PRR5L: variants seen among roughly 807,000 people sequenced by gnomAD.
The protein encoded by PRR5L is proline rich 5 like.
PRR5L carries 21 observed loss-of-function variants against 36.4 expected under a neutral mutation model. The observed-to-expected ratio is 0.58, with a 90% CI of 0.41 to 0.83. The LOEUF is 0.83. PRR5L is among the 40% of genes least tolerant of loss of function. PRR5L has a pLI of 0.00. For synonymous variants in PRR5L, 188 were observed against 197.0 expected (o/e 0.95, Z 0.38); for missense variants, 381 against 473.3 (o/e 0.80, Z 1.81).
intron 1 of PRR5L, among the ~76,000 whole-genome samples, chr11:36,343,095 C>T (rs1856832330): frequency 6.6e-6 from 1 of 152,182 alleles, no homozygotes; most frequent in Admixed American, 6.5e-5. Flanking sequence ...CTGACGATCT[C>T]AAAGGCAGCT....
In PRR5L at chr11:36,351,539, A is replaced by T. The variant is rs1361955938; in HGVS notation, c.-125-49458A>T. Among the ~76,000 whole-genome samples the T allele has an allele frequency of 4.4e-3, 37 of 8,378 alleles. 4 individuals are homozygous for T. Among genetic ancestry groups the T allele is most frequent in the South Asian group, 7.1e-3 (2 of 280 alleles). The allele number at this position is 8,378 out of a possible 152,430, so 5.5% of individuals were successfully genotyped here. A position where few individuals can be genotyped will look rare whatever the true frequency, so the allele number is the denominator to read the frequency against. On this transcript the variant is annotated intron_variant, in intron 1 of 8. Transcript: ENST00000530639. ...TATATATTTATATATTTATATAAAT[A>T]TATATTTATATATATTTATATATTT...
At chr11:36,431,685 C>T (rs1266846195) in intron 4 of PRR5L, among the ~76,000 whole-genome samples, 168 bp from the exon 5 acceptor site, 2 of 152,104 alleles carry the variant, frequency 1.3e-5, no homozygotes, top group African/African-American at 2.4e-5. Context: ...CTGTCTTCTC[C>T]GGAAGCCTTA....
chr11:36,321,985 G>C (rs559755435), intron 1 of PRR5L, among the ~76,000 whole-genome samples: 13 of 152,198 alleles, frequency 8.5e-5, no homozygotes, highest in Non-Finnish European at 1.9e-4. Context: ...CTTTTTCAAA[G>C]CCTCTGTCTC....
chr11:36,318,940 T>G (rs180856014), intron 1 of PRR5L, among the ~76,000 whole-genome samples: 1 of 152,282 alleles, frequency 6.6e-6, no homozygotes, highest in Non-Finnish European at 1.5e-5. Context: ...TTCCTTGACT[T>G]TTCTCGATTT....
intron 1 of PRR5L, among the ~76,000 whole-genome samples, chr11:36,353,786 T>C (rs376913996): frequency 1.8e-4 from 27 of 152,312 alleles, no homozygotes; most frequent in African/African-American, 5.5e-4. Flanking sequence ...TAATGCTTGC[T>C]TGCCCACCAC....
chr11:36,338,375 C>G (rs1856788006), intron 1 of PRR5L, among the ~76,000 whole-genome samples: 1 of 152,176 alleles, frequency 6.6e-6, no homozygotes, highest in Admixed American at 6.5e-5. Flanking sequence ...GACATCCAAG[C>G]TGTAATTTTG....
chr11:36,388,053 C>G (rs1464542441), intron 1 of PRR5L: 1 of 152,242 alleles, frequency 6.6e-6, no homozygotes, highest in Non-Finnish European at 1.5e-5. Flanking sequence ...GTAAAGCAAG[C>G]TTACTGTCCA....
At chr11:36,329,782 T>C (rs1856700550) in intron 1 of PRR5L, among the ~76,000 whole-genome samples, 1 of 152,210 alleles carries the variant, frequency 6.6e-6, no homozygotes, top group Non-Finnish European at 1.5e-5. Context: ...GTAGTCCCTA[T>C]AGATTTGGGT....
chr11:36,389,614 ATTTTTT>A, intron 1 of PRR5L, among the ~76,000 whole-genome samples: 1 of 134,982 alleles, frequency 7.4e-6, no homozygotes. Flanking sequence ...AGCCCCATGT[ATTTTTT>A]TTTTTTTTTT....
intron 4 of PRR5L, among the ~76,000 whole-genome samples, chr11:36,420,878 C>CACAT (rs61547400): frequency 6.7e-6 from 1 of 150,232 alleles, no homozygotes; most frequent in Non-Finnish European, 1.5e-5. Context: ...CACACACACA[C>CACAT]GGACAGCTCC....
At chr11:36,380,266 G>A (rs943137452) in intron 1 of PRR5L, among the ~76,000 whole-genome samples, 2 of 152,180 alleles carry the variant, frequency 1.3e-5, no homozygotes, top group Non-Finnish European at 2.9e-5. Context: ...TGTGAATATA[G>A]AGAATTACTA....
intron 3 of PRR5L, among the ~76,000 whole-genome samples, chr11:36,410,551 G>T (rs1361616975): frequency 6.6e-6 from 1 of 152,216 alleles, no homozygotes; most frequent in African/African-American, 2.4e-5. Flanking sequence ...CTGTGAGGCT[G>T]TTGGAGAATT....
chr11:36,309,987 C>CTACCACCACCCATCATCCCCAA (rs1565377949), intron 1 of PRR5L, among the ~76,000 whole-genome samples: 1 of 248 alleles, frequency 4.0e-3, no homozygotes, highest in Non-Finnish European at 0.029. Flanking sequence ...ATCATCCCCA[C>CTACCACCACCCATCATCCCCAA]TACGACCACC....
intron 1 of PRR5L, among the ~76,000 whole-genome samples, chr11:36,349,319 CTG>C (rs1268191491): frequency 2.8e-5 from 4 of 143,826 alleles, no homozygotes; most frequent in Admixed American, 6.9e-5. Context: ...ATTTCAAAAA[CTG>C]TTGTTTCTAA....
chr11:36,453,583 G>C (rs1858986989), intron 8 of PRR5L, among the ~76,000 whole-genome samples: 1 of 152,150 alleles, frequency 6.6e-6, no homozygotes, highest in African/African-American at 2.4e-5. Context: ...CAGCAAATGT[G>C]TACTAAGACC....
chr11:36,413,859 C>A (rs1858081550), intron 3 of PRR5L, among the ~76,000 whole-genome samples: 1 of 97,812 alleles, frequency 1.0e-5, no homozygotes, highest in Non-Finnish European at 1.9e-5. Context: ...CTATCCCTCC[C>A]CCCTCCCCCC....
At chr11:36,337,774 G>T (rs1856782946) in intron 1 of PRR5L, among the ~76,000 whole-genome samples, 1 of 152,210 alleles carries the variant, frequency 6.6e-6, no homozygotes, top group African/African-American at 2.4e-5. Context: ...GCTCCAGGAC[G>T]AAAGTGTGAA....
chr11:36,345,073 G>A (rs1406293575), intron 1 of PRR5L, among the ~76,000 whole-genome samples: 1 of 152,170 alleles, frequency 6.6e-6, no homozygotes, highest in Admixed American at 6.5e-5. Context: ...CTTGACTGGA[G>A]GCTAGGAAGG....
At chr11:36,312,936 C>T (rs183386053) in intron 1 of PRR5L, among the ~76,000 whole-genome samples, 9 of 152,336 alleles carry the variant, frequency 5.9e-5, no homozygotes, top group African/African-American at 1.2e-4. Context: ...GCAGCAGCTG[C>T]ATTTCCATTC....
Sources: gnomAD v4.1 joint callset for allele counts (sites outside exome capture counted in the v4.1 genomes callset) on GRCh38, gnomAD v4.1.1 for gene constraint, MANE v1.5 for transcripts, NCBI Gene and HGNC (gene_info 2026-07-23, HGNC 2026-07-21) for gene names.